Variants in SEPTIN9 observed in about 807,000 individuals in gnomAD.
SEPTIN9 encodes septin 9.
A neutral mutation model predicts 56.6 loss-of-function variants in SEPTIN9; 13 were observed. The observed-to-expected ratio is 0.23, with a 90% CI of 0.15 to 0.37. The LOEUF is 0.37. SEPTIN9 is among the 10% of genes least tolerant of loss of function. The probability of loss-of-function intolerance (pLI) is 1.00; values close to 1 mark genes in which losing one functional copy is unlikely to be tolerated. For missense variants in SEPTIN9, 650 were observed against 823.1 expected, an observed-to-expected ratio of 0.79 and a Z score of 2.57; for synonymous variants, 332 against 334.1, an observed-to-expected ratio of 0.99 and a Z score of 0.07.
chr17:77,472,852 G>A (rs1865392065), intron 3 of SEPTIN9: 2 of 152,224 alleles, frequency 1.3e-5, no homozygotes, highest in Admixed American at 1.3e-4. Flanking sequence ...GATGAGCTGT[G>A]TGCATTTTAA....
At chr17:77,385,392 A>G (rs2035300953) in intron 2 of SEPTIN9, among the ~76,000 whole-genome samples, 1 of 150,804 alleles carries the variant, frequency 6.6e-6, no homozygotes, top group Admixed American at 6.6e-5. Context: ...CAGCTCACAT[A>G]TTTTTTAGTA....
At chr17:77,305,307 C>T (rs1481374920) in intron 1 of SEPTIN9, among the ~76,000 whole-genome samples, 5 of 152,094 alleles carry the variant, frequency 3.3e-5, no homozygotes, top group Admixed American at 2.6e-4. Flanking sequence ...AGCCCTGGGC[C>T]TCGCTTCCTC....
At chr17:77,390,219 C>T (rs1344694871) in intron 2 of SEPTIN9, among the ~76,000 whole-genome samples, 2 of 151,450 alleles carry the variant, frequency 1.3e-5, no homozygotes, top group African/African-American at 2.4e-5. Flanking sequence ...CCCAGGCAGG[C>T]GCCCGTAGTC....
intron 2 of SEPTIN9, among the ~76,000 whole-genome samples, chr17:77,344,777 G>T (rs968406855): frequency 3.3e-5 from 5 of 152,186 alleles, no homozygotes; most frequent in Non-Finnish European, 5.9e-5. Context: ...TTTGAGACTA[G>T]CCTGGCCAGC....
rs2040100657 is a variant in SEPTIN9 at position 77,493,018 on chromosome 17, G to A, written c.1515G>A (p.Glu505=). Residue 505 remains glutamate (E), a synonymous_variant, in exon 10 of 12, where the codon GAG becomes GAA. Transcript: ENST00000427177. The part of the protein sequence containing the change: ...IPFAVVGSDH[E]YQVNGKRILG... Reference sequence around the variant, plus strand: ...TTGCTGTGGTGGGCAGTGACCACGAGTACCAGGTCAACGGCAAGAGGATCC... The same window carrying A: ...TTGCTGTGGTGGGCAGTGACCACGAATACCAGGTCAACGGCAAGAGGATCC... The A allele has an allele frequency of 6.4e-7, 1 of 1,570,810 alleles. No individual in the cohort carries two copies. The highest frequency in any genetic ancestry group is 2.4e-5 in the East Asian group (1 of 42,216).
intron 2 of SEPTIN9, among the ~76,000 whole-genome samples, chr17:77,365,549 T>C (rs529380711): frequency 6.6e-6 from 1 of 151,768 alleles, no homozygotes; most frequent in Non-Finnish European, 1.5e-5. Flanking sequence ...AAGTGTAGGG[T>C]GGATGGGCAT....
chr17:77,466,113 A>C (rs551206186), intron 3 of SEPTIN9, among the ~76,000 whole-genome samples: 134 of 148,462 alleles, frequency 9.0e-4, no homozygotes, highest in African/African-American at 3.0e-3. Context: ...CACACGAGTA[A>C]ACTGTAACAC....
chr17:77,427,550 C>G (rs562078111), intron 3 of SEPTIN9, among the ~76,000 whole-genome samples: 1 of 152,352 alleles, frequency 6.6e-6, no homozygotes, highest in African/African-American at 2.4e-5. Flanking sequence ...AGTGGTCACA[C>G]CCCTTGGGCA....
intron 3 of SEPTIN9, among the ~76,000 whole-genome samples, chr17:77,462,126 G>A (rs2038503185): frequency 6.9e-6 from 1 of 145,268 alleles, no homozygotes; most frequent in African/African-American, 2.9e-5. Flanking sequence ...TGGGACCCTG[G>A]AAATTAGACT....
At chr17:77,474,591 A>G (rs977623373) in intron 3 of SEPTIN9, among the ~76,000 whole-genome samples, 4 of 152,052 alleles carry the variant, frequency 2.6e-5, no homozygotes, top group Admixed American at 2.6e-4. Context: ...AGCTGCCTGC[A>G]CCGCAGCTGC....
At chr17:77,498,405 G>T (rs1051504983) in intron 11 of SEPTIN9, 118 bp from the exon 12 acceptor site, 3 of 686,686 alleles carry the variant, frequency 4.4e-6, no homozygotes, top group Non-Finnish European at 7.8e-6. Context: ...GTCGGGATGG[G>T]GAGTGGGGGT....
Position 77,313,353 on chromosome 17 carries a change from G to A in SEPTIN9, c.76+6156G>A, listed in dbSNP as rs764393630. Among the ~76,000 whole-genome samples the A allele has an allele frequency of 5.3e-5, 8 of 152,222 alleles. No individual in the cohort carries two copies. The highest frequency in any genetic ancestry group is 1.2e-4 in the Non-Finnish European group (8 of 68,030). On this transcript the variant is annotated intron_variant, in intron 2 of 11. Transcript: ENST00000427177. This position sits in a 1 kb window ranked among gnomAD's most constrained non-coding sequence, Gnocchi z 4.5. Reference sequence around the variant, plus strand: ...CCCCGTTGTCTTGGTTTCCTTCCACGCTGACCTGGAAGGACTCCTAAAGCA... The same window carrying A: ...CCCCGTTGTCTTGGTTTCCTTCCACACTGACCTGGAAGGACTCCTAAAGCA...
chr17:77,373,732 G>A, intron 2 of SEPTIN9: 4 of 1,252,234 alleles, frequency 3.2e-6, no homozygotes, highest in African/African-American at 1.6e-5. Context: ...TGCCCGCGCC[G>A]CCTACGTGGG....
intron 2 of SEPTIN9, among the ~76,000 whole-genome samples, chr17:77,395,902 A>G (rs563714205): frequency 6.6e-6 from 1 of 152,344 alleles, no homozygotes; most frequent in South Asian, 2.1e-4. Flanking sequence ...TGCTGATGCA[A>G]ATGTCCTCGT....
intron 1 of SEPTIN9, among the ~76,000 whole-genome samples, chr17:77,285,688 C>T (rs1028799778): frequency 3.9e-5 from 6 of 152,182 alleles, no homozygotes; most frequent in African/African-American, 7.2e-5. Flanking sequence ...CATGAGCCAC[C>T]GTGCCCAGCC....
chr17:77,449,979 G>T lies in SEPTIN9; in HGVS notation c.722-32165G>T, dbSNP rs1037351799. Among the ~76,000 whole-genome samples the T allele has an allele frequency of 6.6e-6, 1 of 152,150 alleles. No homozygotes were observed. Among genetic ancestry groups the T allele is most frequent in the Non-Finnish European group, 1.5e-5 (1 of 68,036 alleles). On this transcript the variant is annotated intron_variant, in intron 3 of 11. Coordinates refer to ENST00000427177, the MANE Select transcript of SEPTIN9 (RefSeq NM_001113491.2). The surrounding 1 kb of genome is among the most constrained non-coding windows in gnomAD (Gnocchi z 4.6). ...TGTTTGACTCAGAACCCAGGTCTCT[G>T]ATCTGCCACCAGCCTCCCTCCCATT...
intron 2 of SEPTIN9, among the ~76,000 whole-genome samples, chr17:77,307,562 C>G (rs912224240): frequency 6.6e-6 from 1 of 151,996 alleles, no homozygotes; most frequent in Non-Finnish European, 1.5e-5. Context: ...GTGAGCCTCT[C>G]GGTGTTGGTT....
At position 77,436,304 on chromosome 17, in the gene SEPTIN9, T is replaced by C. The variant is rs1464849097; in HGVS notation, c.721+33601T>C. ...CAGCGCTGTTCGGCACAGTCCCCTCTGAGCCACCCTGCATGTTTCATTCCA... is the reference window on the plus strand; with the variant it reads ...CAGCGCTGTTCGGCACAGTCCCCTCCGAGCCACCCTGCATGTTTCATTCCA... On this transcript the variant is annotated intron_variant, in intron 3 of 11. Transcript: ENST00000427177. This position sits in a 1 kb window ranked among gnomAD's most constrained non-coding sequence, Gnocchi z 4.4. 6.6e-6 allele frequency among the ~76,000 whole-genome samples: 1 copy of C among 152,198 alleles called. No homozygotes were observed. The highest frequency in any genetic ancestry group is 1.5e-5 in the Non-Finnish European group (1 of 68,024).
chr17:77,497,419 C>T, intron 11 of SEPTIN9, 53 bp downstream of exon 11: 3 of 1,559,774 alleles, frequency 1.9e-6, no homozygotes, highest in Non-Finnish European at 2.6e-6. Context: ...TAAGAGGGCC[C>T]TACAGCGGGT....
Sources: allele counts gnomAD v4.1 joint callset (sites outside exome capture counted in the v4.1 genomes callset), GRCh38; gene constraint gnomAD v4.1.1; non-coding constraint Gnocchi (gnomAD v3.1); transcripts MANE v1.5; gene names NCBI Gene and HGNC (gene_info 2026-07-23, HGNC 2026-07-21).